XYLT1: variants seen among roughly 807,000 people sequenced by gnomAD.
The protein encoded by XYLT1 is xylosyltransferase 1, also known as beta-D-xylosyltransferase 1.
A neutral mutation model predicts 91.3 loss-of-function variants in XYLT1; 36 were observed. The ratio of observed to expected loss-of-function variants is 0.39; its 90% CI spans 0.30 to 0.52. The LOEUF (loss-of-function observed/expected upper bound fraction) is 0.52. Among genes scored for constraint, XYLT1 ranks in the 20% least tolerant of loss-of-function variants. The pLI, the probability that XYLT1 is intolerant of heterozygous loss-of-function variation, is 0.68. For missense variants in XYLT1, 1,242 were observed against 1,284.5 expected (o/e 0.97, Z 0.51); for synonymous variants, 588 against 532.0 (o/e 1.11, Z -1.45).
At chr16:17,261,050 A>G (rs2033714558) in intron 2 of XYLT1, among the ~76,000 whole-genome samples, 1 of 152,110 alleles carries the variant, frequency 6.6e-6, no homozygotes, top group Non-Finnish European at 1.5e-5. Flanking sequence ...CCTGGTCAAC[A>G]TGGCAAAACC....
intron 1 of XYLT1, among the ~76,000 whole-genome samples, chr16:17,363,091 C>T (rs1030906102): frequency 6.6e-6 from 1 of 152,180 alleles, no homozygotes; most frequent in Non-Finnish European, 1.5e-5. Flanking sequence ...CTAAGAAACT[C>T]TTCTTGGGAT....
chr16:17,127,737 A>T lies in XYLT1; in HGVS notation c.2152T>A (p.Trp718Arg). The T allele has an allele frequency of 6.2e-7, 1 of 1,614,218 alleles. No individual in the cohort carries two copies. Among genetic ancestry groups the T allele is most frequent in the South Asian group, 1.1e-5 (1 of 91,086 alleles). The part of the protein sequence containing the change: ...AVSKLETLET[W>R]VMPKKVFKIA... Reference sequence around the variant, plus strand: ...TTGAAGACTTTTTTCGGCATCACCCAGGTCTCCAGAGTCTCTAGTTTGCTC... The same window carrying T: ...TTGAAGACTTTTTTCGGCATCACCCTGGTCTCCAGAGTCTCTAGTTTGCTC... The change falls in exon 10 of 12, where the codon TGG becomes AGG. Residue 718 changes from tryptophan (W) to arginine (R), a missense_variant. This residue lies in a region of XYLT1 where 511 missense variants were observed against 497.0 expected (regional missense o/e 1.03). Transcript: ENST00000261381.
At position 17,127,553 on chromosome 16, in the gene XYLT1, A is replaced by G. The variant is rs9939738; in HGVS notation, c.2223+113T>C. The G allele has an allele frequency of 9.4e-4, 1,196 of 1,277,796 alleles. 8 individuals are homozygous for G. In the African/African-American group the frequency reaches 0.016, roughly 17 times the overall value. The allele number at this position is 1,277,796 out of a possible 1,614,324, so 79.2% of individuals were successfully genotyped here. A position where few individuals can be genotyped will look rare whatever the true frequency, so the allele number is the denominator to read the frequency against. On this transcript the variant is annotated intron_variant, in intron 10 of 11. Coordinates refer to ENST00000261381, the MANE Select transcript of XYLT1 (RefSeq NM_022166.4). ...GCACAGGGTTAGCTTATCTTTAGGG[A>G]TCTCCAAGTCCTCTTCTCCTCCATC...
At chr16:17,373,713 G>C (rs115533091) in intron 1 of XYLT1, among the ~76,000 whole-genome samples, 2,793 of 152,258 alleles carry the variant, frequency 0.018, 82 homozygotes, top group African/African-American at 0.064. Context: ...ACAGATGAGG[G>C]ACCTGGGCTC....
chr16:17,379,748 C>T (rs1168878880), intron 1 of XYLT1, among the ~76,000 whole-genome samples: 2 of 136,644 alleles, frequency 1.5e-5, no homozygotes, highest in African/African-American at 6.0e-5. Context: ...CTCTCTCTCT[C>T]TCTCTCTCTC....
At chr16:17,356,691 A>C (rs918897577) in intron 2 of XYLT1, among the ~76,000 whole-genome samples, 1 of 152,156 alleles carries the variant, frequency 6.6e-6, no homozygotes, top group Non-Finnish European at 1.5e-5. Flanking sequence ...TTCAGCCTTG[A>C]AACGTTCGAA....
chr16:17,221,471 G>T (rs1453416175), intron 3 of XYLT1, among the ~76,000 whole-genome samples: 3 of 152,172 alleles, frequency 2.0e-5, no homozygotes, highest in African/African-American at 7.2e-5. Flanking sequence ...TGAGACTCAA[G>T]AGGTTATATA....
chr16:17,431,225 T>A (rs1050801755), intron 1 of XYLT1, among the ~76,000 whole-genome samples: 2 of 152,210 alleles, frequency 1.3e-5, no homozygotes, highest in African/African-American at 4.8e-5. Flanking sequence ...GCTGACTGGA[T>A]GTGTCCTTCA....
intron 5 of XYLT1, among the ~76,000 whole-genome samples, chr16:17,176,917 A>G (rs903029589): frequency 2.0e-5 from 3 of 151,768 alleles, no homozygotes; most frequent in African/African-American, 7.3e-5. Flanking sequence ...GCATTTTCTA[A>G]TAGAAAACTT....
intron 2 of XYLT1, among the ~76,000 whole-genome samples, chr16:17,298,720 G>A (rs1435182185): frequency 3.3e-5 from 5 of 152,122 alleles, no homozygotes; most frequent in African/African-American, 7.2e-5. Flanking sequence ...TTCATAGACC[G>A]TCAGCTGCTG....
At chr16:17,459,420 C>T (rs949849420) in intron 1 of XYLT1, among the ~76,000 whole-genome samples, 11 of 152,234 alleles carry the variant, frequency 7.2e-5, no homozygotes, top group African/African-American at 2.4e-4. Flanking sequence ...TGTACAGATA[C>T]GAATAGTAAC....
intron 2 of XYLT1, among the ~76,000 whole-genome samples, chr16:17,299,103 T>G (rs1450401631): frequency 6.6e-6 from 1 of 152,208 alleles, no homozygotes; most frequent in Non-Finnish European, 1.5e-5. Context: ...GTCCCTTCAG[T>G]ATGCACAAAC....
chr16:17,150,712 G>T (rs115555731), intron 6 of XYLT1, among the ~76,000 whole-genome samples: 1 of 152,168 alleles, frequency 6.6e-6, no homozygotes, highest in Admixed American at 6.5e-5. Context: ...TAGCCACAAG[G>T]TTCTAATAAG....
At chr16:17,287,387 C>G (rs564074672) in intron 2 of XYLT1, among the ~76,000 whole-genome samples, 7 of 152,284 alleles carry the variant, frequency 4.6e-5, no homozygotes, top group African/African-American at 1.4e-4. Context: ...CCTCCTGGGG[C>G]TGTGGCCACT....
intron 1 of XYLT1, among the ~76,000 whole-genome samples, chr16:17,388,754 G>C (rs1021226308): frequency 1.3e-5 from 2 of 152,190 alleles, no homozygotes; most frequent in African/African-American, 4.8e-5. Flanking sequence ...ACAAAAGCAG[G>C]TTTGGGGAAG....
chr16:17,128,232 TCTATTTGCATAAATA>T (rs573980821), intron 9 of XYLT1, among the ~76,000 whole-genome samples: 75 of 152,352 alleles, frequency 4.9e-4, no homozygotes, highest in East Asian at 1.2e-3. Flanking sequence ...TTCCTATGCA[TCTATTTGCATAAATA>T]CTATTTGCAT....
At chr16:17,287,427 T>G (rs1030823340) in intron 2 of XYLT1, among the ~76,000 whole-genome samples, 1 of 152,176 alleles carries the variant, frequency 6.6e-6, no homozygotes, top group Non-Finnish European at 1.5e-5. Flanking sequence ...AACTCTGGGC[T>G]CACAGAAGGT....
chr16:17,382,007 G>T (rs142911180), intron 1 of XYLT1, among the ~76,000 whole-genome samples: 2 of 151,922 alleles, frequency 1.3e-5, no homozygotes, highest in African/African-American at 4.8e-5. Flanking sequence ...GCACAGAGAG[G>T]CCACCTTCCA....
At chr16:17,241,357 T>G (rs774610280) in intron 3 of XYLT1, among the ~76,000 whole-genome samples, 7 of 152,188 alleles carry the variant, frequency 4.6e-5, no homozygotes, top group Non-Finnish European at 8.8e-5. Flanking sequence ...ATTCTCCAGG[T>G]CCCTCACTGC....
Sources: gnomAD v4.1 joint callset for allele counts (sites outside exome capture counted in the v4.1 genomes callset) on GRCh38, gnomAD v4.1.1 for gene constraint, gnomAD v4.1.1 regional missense constraint, MANE v1.5 for transcripts, NCBI Gene and HGNC (gene_info 2026-07-23, HGNC 2026-07-21) for gene names.